Variants in CCSER1 observed in about 807,000 individuals in gnomAD.
The protein encoded by CCSER1 is coiled-coil serine rich protein 1, also known as serine-rich coiled-coil domain-containing protein 1.
A neutral mutation model predicts 82.0 loss-of-function variants in CCSER1; 41 were observed. That is an observed-to-expected ratio of 0.50 (90% CI 0.39 to 0.65). The LOEUF (loss-of-function observed/expected upper bound fraction) is 0.65. Ranked by LOEUF, CCSER1 falls within the 30% of genes least tolerant of loss-of-function variation. The probability of loss-of-function intolerance (pLI) is 0.00; values close to 1 mark genes in which losing one functional copy is unlikely to be tolerated. For synonymous variants in CCSER1, 414 were observed against 383.9 expected (o/e 1.08, Z -0.92); for missense variants, 1,119 against 1,064.2 (o/e 1.05, Z -0.72).
At chr4:90,590,149 C>G (rs1379931965) in intron 5 of CCSER1, among the ~76,000 whole-genome samples, 1 of 152,098 alleles carries the variant, frequency 6.6e-6, no homozygotes, top group Non-Finnish European at 1.5e-5. Context: ...TGGCACATGC[C>G]TGTAGTCCCA....
In CCSER1 at chr4:91,602,022, C is replaced by T. The variant is rs1764835585; in HGVS notation, c.*2965C>T. 6.6e-6 allele frequency: 1 copy of T among 151,976 alleles called. No homozygotes were observed. Among genetic ancestry groups the T allele is most frequent in the Non-Finnish European group, 1.5e-5 (1 of 67,930 alleles). The allele number at this position is 151,976 out of a possible 1,614,324, so 9.4% of individuals were successfully genotyped here. A position where few individuals can be genotyped will look rare whatever the true frequency, so the allele number is the denominator to read the frequency against. On this transcript the variant is annotated 3_prime_UTR_variant, in exon 11 of 11. Transcript: ENST00000509176. ...TTTTGCTTCTTTGGAGCACCATAGT[C>T]TTTGTTCAAATCACAACATGAAACT...
intron 9 of CCSER1, among the ~76,000 whole-genome samples, chr4:90,943,978 A>G (rs192059600): frequency 1.3e-5 from 2 of 151,970 alleles, no homozygotes; most frequent in Admixed American, 1.3e-4. Context: ...TCACGCCTGT[A>G]ATCCCAGCAC....
chr4:91,258,964 C>T lies in CCSER1; in HGVS notation c.2217+172970C>T, dbSNP rs75265594. Among the ~76,000 whole-genome samples, 262 of 151,904 alleles carry T rather than the reference C, an allele frequency of 1.7e-3. 2 individuals carry two copies. The highest frequency in any genetic ancestry group is 5.8e-3 in the African/African-American group (239 of 41,444). On this transcript the variant is annotated intron_variant, in intron 10 of 10. Transcript: ENST00000509176. ...CATCTATGAAGTAGGAACCTGAGAG[C>T]GATTGCTCAAAAATGACTTTAAATT...
chr4:90,836,158 CAGGT>C (rs1400528718), intron 8 of CCSER1, among the ~76,000 whole-genome samples: 1 of 152,148 alleles, frequency 6.6e-6, no homozygotes, highest in Non-Finnish European at 1.5e-5. Flanking sequence ...ATAAAGTTGA[CAGGT>C]AGGACTTCTG....
chr4:90,343,921 T>A (rs2153506090), intron 3 of CCSER1, among the ~76,000 whole-genome samples: 1 of 152,282 alleles, frequency 6.6e-6, no homozygotes, highest in South Asian at 2.1e-4. Context: ...TGTTTAAAAG[T>A]GTAGAATTAA....
chr4:90,471,989 T>C (rs1764471988), intron 5 of CCSER1, among the ~76,000 whole-genome samples: 1 of 151,184 alleles, frequency 6.6e-6, no homozygotes, highest in South Asian at 2.1e-4. Context: ...AAAAAAAAAA[T>C]AGTAGACATA....
At chr4:90,855,832 C>T (rs1173080885) in intron 8 of CCSER1, among the ~76,000 whole-genome samples, 1 of 152,100 alleles carries the variant, frequency 6.6e-6, no homozygotes, top group African/African-American at 2.4e-5. Context: ...TAGAGTTTAG[C>T]ATTATTCACA....
chr4:90,618,381 G>A lies in CCSER1; in HGVS notation c.1725-9644G>A, dbSNP rs570988463. The stretch of plus-strand genomic sequence containing the variant: ...TATAGCTCTTAGATTGCCACATCTT[G>A]AATATTATAACACAAATTATCAGAA... On this transcript the variant is annotated intron_variant, in intron 5 of 10. Coordinates refer to ENST00000509176, the MANE Select transcript of CCSER1 (RefSeq NM_001145065.2). Among the ~76,000 whole-genome samples, 8 of 151,900 alleles carry A rather than the reference G, an allele frequency of 5.3e-5. No homozygotes were observed. The East Asian group carries it at 1.5e-3, about 29-fold the overall frequency.
intron 3 of CCSER1, among the ~76,000 whole-genome samples, chr4:90,386,202 C>G (rs958457526): frequency 1.3e-5 from 2 of 152,148 alleles, no homozygotes; most frequent in African/African-American, 4.8e-5. Flanking sequence ...ATAGCCAAAG[C>G]AATTGTAAGC....
rs1560716946 is a variant in CCSER1, at chr4:91,496,740, AATATATATTTGAAT to A, written c.2218-101823_2218-101810del. 8.7e-4 allele frequency among the ~76,000 whole-genome samples: 52 copies of A among 59,720 alleles called. 17 individuals carry two copies. The highest frequency in any genetic ancestry group is 2.6e-3 in the African/African-American group (52 of 20,094). 39.2% of individuals were successfully genotyped at this position (59,720 alleles called of 152,430 possible). A position where few individuals can be genotyped will look rare whatever the true frequency, so the allele number is the denominator to read the frequency against. The stretch of plus-strand genomic sequence containing the variant: ...ATATATAGAATATATATATATATTG[AATATATATTTGAAT>A]ATATATATATTCAATATATATTGAA... On this transcript the variant is annotated intron_variant, in intron 10 of 10. Coordinates refer to ENST00000509176, the MANE Select transcript of CCSER1 (RefSeq NM_001145065.2).
chr4:90,661,211 G>T (rs1051410099), intron 6 of CCSER1, among the ~76,000 whole-genome samples: 15 of 152,114 alleles, frequency 9.9e-5, no homozygotes, highest in African/African-American at 3.6e-4. Context: ...ATTGAGGTTG[G>T]TTTTTAACTG....
intron 6 of CCSER1, among the ~76,000 whole-genome samples, chr4:90,698,902 T>G (rs887698136): frequency 7.2e-5 from 11 of 152,038 alleles, no homozygotes; most frequent in African/African-American, 2.7e-4. Context: ...ACTAGGAGTT[T>G]GAGAACAGCC....
intron 10 of CCSER1, among the ~76,000 whole-genome samples, chr4:91,360,669 A>C (rs1041639384): frequency 2.0e-4 from 30 of 151,896 alleles, no homozygotes; most frequent in Non-Finnish European, 1.0e-4. Flanking sequence ...TAACCACAGT[A>C]ACTGATGTAG....
intron 7 of CCSER1, among the ~76,000 whole-genome samples, chr4:90,807,267 A>G (rs1757645862): frequency 6.6e-6 from 1 of 152,170 alleles, no homozygotes; most frequent in Admixed American, 6.6e-5. Context: ...TAGAGCAGGT[A>G]AAACCTTTTA....
rs537595074 is a variant in CCSER1, at chr4:91,553,433, C to T, written c.2218-45139C>T. Reference sequence around the variant, plus strand: ...TCATAAAATGAGTTTGAAAGCATTCCCTCTTCTTTAATATTTTAAGAAAGA... The same window carrying T: ...TCATAAAATGAGTTTGAAAGCATTCTCTCTTCTTTAATATTTTAAGAAAGA... On this transcript the variant is annotated intron_variant, in intron 10 of 10. Coordinates refer to ENST00000509176, the MANE Select transcript of CCSER1 (RefSeq NM_001145065.2). 1.8e-4 allele frequency among the ~76,000 whole-genome samples: 27 copies of T among 151,298 alleles called. 1 individual carries two copies. In the South Asian group the frequency reaches 4.6e-3, roughly 26 times the overall value.
At chr4:91,121,603 T>A (rs1727095275) in intron 10 of CCSER1, among the ~76,000 whole-genome samples, 1 of 151,620 alleles carries the variant, frequency 6.6e-6, no homozygotes, top group African/African-American at 2.4e-5. Flanking sequence ...CTCTTCCAGG[T>A]TTTTCAAATA....
intron 4 of CCSER1, among the ~76,000 whole-genome samples, chr4:90,443,232 T>C (rs1760161352): frequency 6.6e-6 from 1 of 152,158 alleles, no homozygotes; most frequent in African/African-American, 2.4e-5. Flanking sequence ...AGTTCACCTT[T>C]TCACTTAAAG....
At chr4:90,195,466 A>G (rs1736420980) in intron 1 of CCSER1, among the ~76,000 whole-genome samples, 1 of 152,108 alleles carries the variant, frequency 6.6e-6, no homozygotes, top group Non-Finnish European at 1.5e-5. Flanking sequence ...GAAGGGCTGA[A>G]TGGGTGAGTA....
chr4:90,532,827 A>G (rs1579003885), intron 5 of CCSER1, among the ~76,000 whole-genome samples: 2 of 152,074 alleles, frequency 1.3e-5, no homozygotes, highest in African/African-American at 2.4e-5. Context: ...ATCGACTTGT[A>G]CTTTGAGTAG....
Sources: gnomAD v4.1 joint callset for allele counts (sites outside exome capture counted in the v4.1 genomes callset) on GRCh38, gnomAD v4.1.1 for gene constraint, MANE v1.5 for transcripts, NCBI Gene and HGNC (gene_info 2026-07-23, HGNC 2026-07-21) for gene names.